Variants in RIMS2 observed in about 807,000 individuals in gnomAD.
RIMS2 encodes the protein regulating synaptic membrane exocytosis 2.
A neutral mutation model predicts 174.4 loss-of-function variants in RIMS2; 59 were observed. That is an observed-to-expected ratio of 0.34 (90% CI 0.27 to 0.42). RIMS2 has a LOEUF of 0.42. RIMS2 is among the 10% of genes least tolerant of loss of function. The pLI, the probability that RIMS2 is intolerant of heterozygous loss-of-function variation, is 1.00. For missense variants in RIMS2, 1,620 were observed against 1,666.3 expected, an observed-to-expected ratio of 0.97 and a Z score of 0.48; for synonymous variants, 606 against 572.5, an observed-to-expected ratio of 1.06 and a Z score of -0.84.
chr8:103,686,395 C>G (rs1453667636), intron 1 of RIMS2, among the ~76,000 whole-genome samples: 1 of 152,028 alleles, frequency 6.6e-6, no homozygotes, highest in Admixed American at 6.6e-5. Context: ...AAAGAGGATA[C>G]CTTGCTTTAT....
At chr8:104,227,368 C>T (rs1288571436) in intron 19 of RIMS2, among the ~76,000 whole-genome samples, 1 of 151,652 alleles carries the variant, frequency 6.6e-6, no homozygotes, top group Non-Finnish European at 1.5e-5. Flanking sequence ...ATCACTGAAC[C>T]CTTTGAGATA....
At chr8:103,555,740 A>C (rs1257532425) in intron 1 of RIMS2, among the ~76,000 whole-genome samples, 1 of 150,582 alleles carries the variant, frequency 6.6e-6, no homozygotes, top group African/African-American at 2.4e-5. Flanking sequence ...GAGAGCATTA[A>C]GGTGTGATTG....
intron 19 of RIMS2, among the ~76,000 whole-genome samples, chr8:104,019,544 A>C (rs1406549055): frequency 6.6e-6 from 1 of 152,138 alleles, no homozygotes; most frequent in Non-Finnish European, 1.5e-5. Flanking sequence ...ACATCTCTTA[A>C]GCTACTAGAA....
intron 19 of RIMS2, among the ~76,000 whole-genome samples, chr8:104,167,293 T>C (rs1355621256): frequency 2.0e-5 from 3 of 152,148 alleles, no homozygotes; most frequent in Non-Finnish European, 4.4e-5. Flanking sequence ...GTTGCATATT[T>C]CCAGGAATTT....
chr8:103,752,658 A>C (rs2097909606), intron 2 of RIMS2, among the ~76,000 whole-genome samples: 1 of 152,120 alleles, frequency 6.6e-6, no homozygotes, highest in African/African-American at 2.4e-5. Flanking sequence ...TGTCCCTTGT[A>C]AGGTGGATTC....
At chr8:103,782,136 G>A (rs1361344526) in intron 3 of RIMS2, among the ~76,000 whole-genome samples, 1 of 149,374 alleles carries the variant, frequency 6.7e-6, no homozygotes, top group Admixed American at 6.7e-5. Context: ...TCTCTAACAC[G>A]GTTACTATTT....
Position 103,526,000 on chromosome 8 carries a change from T to C in RIMS2, c.176+24938T>C, listed in dbSNP as rs75469540. On this transcript the variant is annotated intron_variant, in intron 1 of 23. Coordinates refer to ENST00000504942, the Ensembl canonical transcript of RIMS2. ...AGAAGGAAACCCAAAAGGTGAGCTG[T>C]GCATTTGAAGCCTCTTTCTACTATG... Among the ~76,000 whole-genome samples the C allele has an allele frequency of 3.1e-3, 477 of 152,324 alleles. 4 individuals are homozygous for C. The highest frequency in any genetic ancestry group is 0.011 in the African/African-American group (449 of 41,580).
intron 1 of RIMS2, among the ~76,000 whole-genome samples, chr8:103,542,132 A>G (rs1461632138): frequency 6.6e-6 from 1 of 152,152 alleles, no homozygotes; most frequent in Non-Finnish European, 1.5e-5. Flanking sequence ...ACTCCATTAA[A>G]TGAAATCAGG....
chr8:103,559,910 A>C (rs1404866823), intron 1 of RIMS2, among the ~76,000 whole-genome samples: 2 of 152,236 alleles, frequency 1.3e-5, no homozygotes, highest in African/African-American at 4.8e-5. Flanking sequence ...AGGATGAAAT[A>C]AAGAAGGCCA....
rs142354822 is a variant in RIMS2, at chr8:103,887,565, C to T, written c.1624+1342C>T. Among the ~76,000 whole-genome samples the T allele has an allele frequency of 2.2e-3, 331 of 151,402 alleles. 1 individual carries two copies. Among genetic ancestry groups the T allele is most frequent in the African/African-American group, 7.7e-3 (317 of 41,404 alleles). ...TTCTGGAATTTATTTTGGTGTATGA[C>T]AAAAATATACCAGATGGATGAGTAT... is the stretch of plus-strand genomic sequence containing the variant. On this transcript the variant is annotated intron_variant, in intron 4 of 23. Transcript: ENST00000504942.
intron 19 of RIMS2, among the ~76,000 whole-genome samples, chr8:104,238,784 T>C (rs554461989): frequency 9.2e-5 from 14 of 152,334 alleles, no homozygotes; most frequent in African/African-American, 3.4e-4. Flanking sequence ...TTCATTGTAA[T>C]GCATTTTTTA....
chr8:103,876,864 T>TTTTTATATA (rs1378279723), intron 3 of RIMS2, among the ~76,000 whole-genome samples: 3 of 68,104 alleles, frequency 4.4e-5, no homozygotes, highest in Admixed American at 2.0e-4. Context: ...ACACACTATT[T>TTTTTATATA]TATATATATA....
At chr8:103,607,293 T>C (rs556135497) in intron 1 of RIMS2, among the ~76,000 whole-genome samples, 3 of 152,294 alleles carry the variant, frequency 2.0e-5, no homozygotes, top group South Asian at 2.1e-4. Context: ...AATTCTGGGA[T>C]GAAAATTCTT....
intron 2 of RIMS2, among the ~76,000 whole-genome samples, chr8:103,727,904 T>G (rs575171171): frequency 6.6e-6 from 1 of 152,206 alleles, no homozygotes; most frequent in African/African-American, 2.4e-5. Flanking sequence ...TTGCTTAAGA[T>G]AGCTTTGGCT....
chr8:104,098,304 A>T (rs2097796818), intron 19 of RIMS2, among the ~76,000 whole-genome samples: 1 of 152,144 alleles, frequency 6.6e-6, no homozygotes, highest in South Asian at 2.1e-4. Context: ...CCTGAGAGTG[A>T]TGCAGTTTCT....
intron 14 of RIMS2, among the ~76,000 whole-genome samples, chr8:103,959,305 A>T (rs1349946255): frequency 6.6e-6 from 1 of 152,052 alleles, no homozygotes; most frequent in Admixed American, 6.6e-5. Flanking sequence ...ATTATTTTTT[A>T]TTTTTTGTAT....
At chr8:103,723,761 G>C (rs1286563050) in intron 2 of RIMS2, among the ~76,000 whole-genome samples, 1 of 152,184 alleles carries the variant, frequency 6.6e-6, no homozygotes, top group Non-Finnish European at 1.5e-5. Flanking sequence ...AACATGAAAG[G>C]CTTGAAGTGT....
intron 1 of RIMS2, among the ~76,000 whole-genome samples, chr8:103,564,932 A>G (rs912189452): frequency 1.3e-5 from 2 of 152,190 alleles, no homozygotes; most frequent in South Asian, 4.1e-4. Flanking sequence ...TTATCTTTTT[A>G]AAGAGTGAGA....
chr8:103,677,543 G>T (rs1385599570), intron 1 of RIMS2, among the ~76,000 whole-genome samples: 1 of 152,112 alleles, frequency 6.6e-6, no homozygotes, highest in Non-Finnish European at 1.5e-5. Flanking sequence ...ATCCGAGAGA[G>T]AACTTACCCA....
Sources: allele counts gnomAD v4.1 joint callset (sites outside exome capture counted in the v4.1 genomes callset), GRCh38; gene constraint gnomAD v4.1.1; transcripts MANE v1.5; gene names NCBI Gene and HGNC (gene_info 2026-07-23, HGNC 2026-07-21).